POU2F1: variants seen among roughly 807,000 people sequenced by gnomAD.
POU2F1 encodes the protein POU class 2 homeobox 1.
POU2F1 carries 16 observed loss-of-function variants against 84.9 expected under a neutral mutation model. The observed-to-expected ratio is 0.19, with a 90% CI of 0.13 to 0.29. POU2F1 has a LOEUF of 0.29. POU2F1 is among the 10% of genes least tolerant of loss of function. The pLI, the probability that POU2F1 is intolerant of heterozygous loss-of-function variation, is 1.00. For synonymous variants in POU2F1, 368 were observed against 368.3 expected (o/e 1.00, Z 0.01); for missense variants, 738 against 942.6 (o/e 0.78, Z 2.84).
intron 1 of POU2F1, among the ~76,000 whole-genome samples, chr1:167,254,930 A>G (rs1033669732): frequency 1.3e-5 from 2 of 152,218 alleles, no homozygotes; most frequent in Non-Finnish European, 2.9e-5. Flanking sequence ...TTCTACTGCC[A>G]GGAACAATTT....
chr1:167,353,550 T>A (rs1010697861), intron 2 of POU2F1, among the ~76,000 whole-genome samples: 3 of 152,164 alleles, frequency 2.0e-5, no homozygotes, highest in African/African-American at 7.2e-5. Flanking sequence ...AGTCTTTCCT[T>A]CCACCCTATC....
chr1:167,221,855 T>C (rs2102313051), intron 1 of POU2F1, among the ~76,000 whole-genome samples: 1 of 151,850 alleles, frequency 6.6e-6, no homozygotes, highest in African/African-American at 2.4e-5. Flanking sequence ...GAAGGAGTCC[T>C]TGGGGCAAGT....
At position 167,285,327 on chromosome 1, in the gene POU2F1, G is replaced by A. The variant is rs561624942; in HGVS notation, c.62-47143G>A. On this transcript the variant is annotated intron_variant, in intron 1 of 15. Coordinates refer to ENST00000367866, the MANE Select transcript of POU2F1 (RefSeq NM_002697.4). ...ATGTATCTTAAGACTATTTTTGGCC[G>A]GGTGCGGTGGCTCACGCCTGTAATC... Among the ~76,000 whole-genome samples, 89 of 152,316 alleles carry A rather than the reference G, an allele frequency of 5.8e-4. 1 individual carries two copies. The highest frequency in any genetic ancestry group is 1.4e-3 in the Admixed American group (21 of 15,302).
intron 1 of POU2F1, among the ~76,000 whole-genome samples, chr1:167,267,239 C>T (rs1320058167): frequency 6.6e-6 from 1 of 151,148 alleles, no homozygotes; most frequent in East Asian, 1.9e-4. Flanking sequence ...AAAAAAAACC[C>T]ACAAAAGTAG....
intron 3 of POU2F1, 55 bp from the exon 4 acceptor site, chr1:167,370,106 C>A (rs932538788): frequency 4.9e-6 from 7 of 1,437,560 alleles, no homozygotes; most frequent in East Asian, 2.3e-5. Flanking sequence ...TGATGACAAC[C>A]CCTTGTGATG....
intron 1 of POU2F1, among the ~76,000 whole-genome samples, chr1:167,233,604 G>A (rs1649232024): frequency 1.3e-5 from 2 of 152,124 alleles, no homozygotes; most frequent in Admixed American, 1.3e-4. Flanking sequence ...TATGCTCTGT[G>A]ATCACACAAT....
chr1:167,354,369 G>A (rs1409504354), intron 2 of POU2F1, among the ~76,000 whole-genome samples: 1 of 152,082 alleles, frequency 6.6e-6, no homozygotes, highest in Non-Finnish European at 1.5e-5. Flanking sequence ...TCAGCTCACT[G>A]CAACCTCGGC....
intron 1 of POU2F1, among the ~76,000 whole-genome samples, chr1:167,240,378 A>C (rs1005906703): frequency 6.6e-6 from 1 of 152,268 alleles, no homozygotes; most frequent in African/African-American, 2.4e-5. Context: ...AAGAAATTAA[A>C]ATATTAGAAA....
intron 4 of POU2F1, among the ~76,000 whole-genome samples, chr1:167,371,041 G>A (rs1659972284): frequency 6.6e-6 from 1 of 152,194 alleles, no homozygotes; most frequent in African/African-American, 2.4e-5. Flanking sequence ...CTTGGGTTGA[G>A]CATTTCATGA....
chr1:167,301,117 AATTT>A (rs1176961383), intron 1 of POU2F1, among the ~76,000 whole-genome samples: 3 of 152,122 alleles, frequency 2.0e-5, no homozygotes, highest in Non-Finnish European at 2.9e-5. Flanking sequence ...TGTCATATTA[AATTT>A]ATTTAAGGAA....
At position 167,422,626 on chromosome 1, in the gene POU2F1, C is replaced by G. The variant is rs1469072927; in HGVS notation, c.*6816C>G. 1 of 152,198 alleles carries G rather than the reference C, an allele frequency of 6.6e-6. No individual in the cohort carries two copies. The highest frequency in any genetic ancestry group is 6.5e-5 in the Admixed American group (1 of 15,286). 9.4% of individuals were successfully genotyped at this position (152,198 alleles called of 1,614,324 possible). A position where few individuals can be genotyped will look rare whatever the true frequency, so the allele number is the denominator to read the frequency against. On this transcript the variant is annotated 3_prime_UTR_variant, in exon 16 of 16. Coordinates refer to ENST00000367866, the MANE Select transcript of POU2F1 (RefSeq NM_002697.4). Reference sequence around the variant, plus strand: ...GCTTAGGAAAAATCACAAGCCCTTTCTGCCCATACTCTGGGACAAACTTTC... The same window carrying G: ...GCTTAGGAAAAATCACAAGCCCTTTGTGCCCATACTCTGGGACAAACTTTC...
chr1:167,395,187 C>T (rs1215383580), intron 9 of POU2F1, among the ~76,000 whole-genome samples: 2 of 152,178 alleles, frequency 1.3e-5, no homozygotes, highest in African/African-American at 4.8e-5. Flanking sequence ...AGAAGAAAAG[C>T]TCTGTATACA....
chr1:167,421,033 G>A lies in POU2F1; in HGVS notation c.*5223G>A, dbSNP rs1650618403. ...TTGATGGGTTAATTTGCTCATAACT[G>A]ATATGAGTTTGCTTTTATGTGTGTG... On this transcript the variant is annotated 3_prime_UTR_variant, in exon 16 of 16. Coordinates refer to ENST00000367866, the MANE Select transcript of POU2F1 (RefSeq NM_002697.4). 3 of 152,304 alleles carry A rather than the reference G, an allele frequency of 2.0e-5. No individual in the cohort carries two copies. Among genetic ancestry groups the A allele is most frequent in the Admixed American group, 1.3e-4 (2 of 15,304 alleles). 9.4% of individuals were successfully genotyped at this position (152,304 alleles called of 1,614,324 possible). A position where few individuals can be genotyped will look rare whatever the true frequency, so the allele number is the denominator to read the frequency against.
intron 2 of POU2F1, among the ~76,000 whole-genome samples, chr1:167,338,501 G>T (rs1046985889): frequency 6.6e-6 from 1 of 152,152 alleles, no homozygotes; most frequent in African/African-American, 2.4e-5. Flanking sequence ...TGACCTTTCT[G>T]TAGCCTAGAT....
intron 1 of POU2F1, among the ~76,000 whole-genome samples, chr1:167,289,167 T>C (rs1204894138): frequency 6.6e-6 from 1 of 152,224 alleles, no homozygotes; most frequent in Non-Finnish European, 1.5e-5. Flanking sequence ...AGCACATGTT[T>C]CTTTTTTTGA....
intron 1 of POU2F1, among the ~76,000 whole-genome samples, chr1:167,224,819 T>G (rs1417813675): frequency 1.3e-5 from 2 of 148,606 alleles, no homozygotes; most frequent in East Asian, 3.9e-4. Context: ...CCATTGTCAC[T>G]GTCTTCTTTT....
chr1:167,349,197 T>A (rs918313843), intron 2 of POU2F1, among the ~76,000 whole-genome samples: 1 of 152,148 alleles, frequency 6.6e-6, no homozygotes, highest in African/African-American at 2.4e-5. Context: ...TTCCATCTCA[T>A]CCTCTTAAGA....
chr1:167,285,375 C>T (rs892801167), intron 1 of POU2F1, among the ~76,000 whole-genome samples: 1 of 152,166 alleles, frequency 6.6e-6, no homozygotes, highest in East Asian at 1.9e-4. Context: ...GAGGCCAAGG[C>T]GAGTGGATCA....
chr1:167,349,586 G>A (rs1036023161), intron 2 of POU2F1, among the ~76,000 whole-genome samples: 9 of 152,062 alleles, frequency 5.9e-5, no homozygotes, highest in African/African-American at 2.2e-4. Context: ...CGTATTTTTT[G>A]AATGAATTAA....
Sources: allele counts gnomAD v4.1 joint callset (sites outside exome capture counted in the v4.1 genomes callset), GRCh38; gene constraint gnomAD v4.1.1; transcripts MANE v1.5; gene names NCBI Gene and HGNC (gene_info 2026-07-23, HGNC 2026-07-21).